CEP162: variants seen among roughly 807,000 people sequenced by gnomAD.
The protein encoded by CEP162 is centrosomal protein of 162 kDa.
Under a neutral mutation model 169.2 loss-of-function variants are expected in CEP162, and 141 were observed. The ratio of observed to expected loss-of-function variants is 0.83; its 90% CI spans 0.73 to 0.96. The LOEUF is 0.96. CEP162 is among the 40% of genes least tolerant of loss of function. The pLI, the probability that CEP162 is intolerant of heterozygous loss-of-function variation, is 0.00. For synonymous variants in CEP162, 540 were observed against 526.4 expected (o/e 1.03, Z -0.35); for missense variants, 1,600 against 1,587.2 (o/e 1.01, Z -0.14).
chr6:84,175,208 A>G lies in CEP162; in HGVS notation c.1797+6T>C. 1 of 1,499,014 alleles carries G rather than the reference A, an allele frequency of 6.7e-7. No individual in the cohort carries two copies. Among genetic ancestry groups the G allele is most frequent in the African/African-American group, 1.4e-5 (1 of 71,548 alleles). The allele number at this position is 1,499,014 out of a possible 1,614,324, so 92.9% of individuals were successfully genotyped here. A position where few individuals can be genotyped will look rare whatever the true frequency, so the allele number is the denominator to read the frequency against. ...AACATTATGATTATTAATTTTGAAT[A>G]CCTACAGTCTGAAACTGAATACAGG... On this transcript the variant is annotated splice_donor_region_variant and intron_variant, in intron 14 of 26. Coordinates refer to ENST00000403245, the MANE Select transcript of CEP162 (RefSeq NM_014895.4).
At position 84,186,404 on chromosome 6, in the gene CEP162, C is replaced by T. The variant is rs866790229; in HGVS notation, c.1329G>A (p.Met443Ile). 1.1e-5 allele frequency: 17 copies of T among 1,567,694 alleles called. No homozygotes were observed. Among genetic ancestry groups the T allele is most frequent in the Middle Eastern group, 3.3e-4 (2 of 5,976 alleles). Residue 443 changes from methionine to isoleucine, a missense_variant, in exon 12 of 27, where the codon ATG becomes ATA. Physicochemically the swap from Met to Ile is conservative, Grantham distance 10 (BLOSUM62 1). Coordinates refer to ENST00000403245, the MANE Select transcript of CEP162 (RefSeq NM_014895.4). ...TTTTTTTCCTCAAAATATTAAGGTA[C>T]ATTTTATCAACATGTTCTTCTGTGG... is the stretch of plus-strand genomic sequence containing the variant. ...VTATEEHVDKMYLNILRKKIT... is the reference protein window; with the variant it reads ...VTATEEHVDKIYLNILRKKIT...
intron 11 of CEP162, among the ~76,000 whole-genome samples, chr6:84,192,634 G>A (rs2099540399): frequency 1.3e-5 from 2 of 152,186 alleles, no homozygotes; most frequent in South Asian, 4.1e-4. Context: ...TAGGAAGGAG[G>A]CTGAAAACAT....
intron 25 of CEP162, among the ~76,000 whole-genome samples, chr6:84,144,437 A>C (rs947720785): frequency 6.6e-6 from 1 of 152,006 alleles, no homozygotes; most frequent in Non-Finnish European, 1.5e-5. Flanking sequence ...ATTATAATGA[A>C]CTCTCATCAG....
At chr6:84,137,013 T>A (rs185341199) in intron 25 of CEP162, among the ~76,000 whole-genome samples, 5 of 152,230 alleles carry the variant, frequency 3.3e-5, no homozygotes, top group South Asian at 4.1e-4. Context: ...CATGTTGTTG[T>A]GGGAGCCACC....
chr6:84,221,231 T>C, intron 2 of CEP162, 60 bp from the exon 3 acceptor site: 1 of 828,862 alleles, frequency 1.2e-6, no homozygotes, highest in East Asian at 2.5e-5. Flanking sequence ...AATCTCAGAT[T>C]CATCATTAAG....
At chr6:84,169,275 A>T in intron 18 of CEP162, 53 bp downstream of exon 18, 1 of 987,930 alleles carries the variant, frequency 1.0e-6, no homozygotes, top group Non-Finnish European at 1.5e-6. Flanking sequence ...AAAAATGGGG[A>T]TTTTTATAAA....
intron 3 of CEP162, among the ~76,000 whole-genome samples, 168 bp downstream of exon 3, chr6:84,220,889 A>G (rs552132677): frequency 9.7e-4 from 148 of 152,330 alleles, no homozygotes; most frequent in African/African-American, 3.5e-3. Context: ...CAATTACATA[A>G]TAAATACATA....
chr6:84,125,960 ATTAAT>A (rs1434082714), intron 26 of CEP162, among the ~76,000 whole-genome samples: 2 of 152,164 alleles, frequency 1.3e-5, no homozygotes, highest in Admixed American at 1.3e-4. Flanking sequence ...TTTAACTTCT[ATTAAT>A]TTATCTGTTT....
intron 3 of CEP162, among the ~76,000 whole-genome samples, chr6:84,219,470 T>C (rs1482352897): frequency 6.6e-6 from 1 of 152,234 alleles, no homozygotes; most frequent in South Asian, 2.1e-4. Flanking sequence ...TTAGGTTGTA[T>C]ATATCTGCTC....
At chr6:84,148,464 G>A (rs1367748915) in intron 24 of CEP162, among the ~76,000 whole-genome samples, 1 of 152,144 alleles carries the variant, frequency 6.6e-6, no homozygotes, top group African/African-American at 2.4e-5. Context: ...GGGAGGCAGA[G>A]GTTGCAGTGA....
intron 6 of CEP162, among the ~76,000 whole-genome samples, chr6:84,212,274 T>C (rs2099549786): frequency 6.6e-6 from 1 of 152,124 alleles, no homozygotes; most frequent in African/African-American, 2.4e-5. Flanking sequence ...TAAATACACA[T>C]TTTTACATAA....
At position 84,172,199 on chromosome 6, in the gene CEP162, C is replaced by G. The variant is rs1452957368; in HGVS notation, c.2167-481G>C. Among the ~76,000 whole-genome samples, 5 of 152,294 alleles carry G rather than the reference C, an allele frequency of 3.3e-5. No individual in the cohort carries two copies. In the East Asian group the frequency reaches 7.7e-4, roughly 23 times the overall value. ...TCAGATGTACCTACGGGTGCTCATA[C>G]TTGTATCTGCTACTGACTGTAAACA... On this transcript the variant is annotated intron_variant, in intron 16 of 26. Transcript: ENST00000403245.
At chr6:84,176,741 C>T (rs1450140552) in intron 13 of CEP162, among the ~76,000 whole-genome samples, 1 of 152,090 alleles carries the variant, frequency 6.6e-6, no homozygotes, top group African/African-American at 2.4e-5. Context: ...CACTTCTGGT[C>T]CCAGGCTTTT....
chr6:84,154,396 CTAT>C (rs2099522362), intron 22 of CEP162, among the ~76,000 whole-genome samples: 1 of 150,964 alleles, frequency 6.6e-6, no homozygotes, highest in Non-Finnish European at 1.5e-5. Flanking sequence ...ATCTATCTAT[CTAT>C]GTATCTATCT....
intron 25 of CEP162, among the ~76,000 whole-genome samples, chr6:84,138,077 C>T (rs2099514929): frequency 6.6e-6 from 1 of 152,172 alleles, no homozygotes; most frequent in Non-Finnish European, 1.5e-5. Flanking sequence ...GCTCAGTTAT[C>T]TCATGGCCTA....
intron 18 of CEP162, among the ~76,000 whole-genome samples, chr6:84,167,754 T>G (rs758426229): frequency 7.2e-5 from 11 of 152,202 alleles, no homozygotes; most frequent in Non-Finnish European, 1.3e-4. Flanking sequence ...CCATTTACAT[T>G]GAACAACCAT....
chr6:84,190,178 C>T (rs1235461010), intron 11 of CEP162, among the ~76,000 whole-genome samples: 1 of 152,216 alleles, frequency 6.6e-6, no homozygotes, highest in Admixed American at 6.5e-5. Flanking sequence ...CCAATCGACA[C>T]TCTGTATCTA....
chr6:84,210,628 C>G (rs1215861968), intron 6 of CEP162, among the ~76,000 whole-genome samples: 2 of 152,074 alleles, frequency 1.3e-5, no homozygotes, highest in Admixed American at 1.3e-4. Context: ...GAGGAGGTGC[C>G]TAAGTGAAAA....
At chr6:84,142,925 A>C (rs2129195017) in intron 25 of CEP162, among the ~76,000 whole-genome samples, 1 of 152,250 alleles carries the variant, frequency 6.6e-6, no homozygotes, top group South Asian at 2.1e-4. Context: ...TGATGACTAG[A>C]TGTTTAATGG....
Sources: allele counts gnomAD v4.1 joint callset (sites outside exome capture counted in the v4.1 genomes callset), GRCh38; gene constraint gnomAD v4.1.1; transcripts MANE v1.5; gene names NCBI Gene and HGNC (gene_info 2026-07-23, HGNC 2026-07-21).